Variants in PTPRD observed in about 807,000 individuals in gnomAD.
PTPRD encodes the protein protein tyrosine phosphatase receptor type D.
In PTPRD, 34 loss-of-function variants were observed where a neutral mutation model predicts 214.5. That is an observed-to-expected ratio of 0.16 (90% CI 0.12 to 0.21). PTPRD has a LOEUF of 0.21. Among genes scored for constraint, PTPRD ranks in the 10% least tolerant of loss-of-function variants. PTPRD has a pLI of 1.00. For missense variants in PTPRD, 2,545 were observed against 2,398.7 expected, an observed-to-expected ratio of 1.06 and a Z score of -1.27; for synonymous variants, 1,128 against 845.7, an observed-to-expected ratio of 1.33 and a Z score of -5.79.
chr9:9,163,936 G>A (rs1428268642), intron 10 of PTPRD, among the ~76,000 whole-genome samples: 1 of 152,060 alleles, frequency 6.6e-6, no homozygotes. Flanking sequence ...CAAGTCTTAT[G>A]TTACATATCA....
chr9:10,482,196 C>G (rs369331528), intron 2 of PTPRD, among the ~76,000 whole-genome samples: 1 of 151,778 alleles, frequency 6.6e-6, no homozygotes, highest in Admixed American at 6.6e-5. Context: ...ACAGTGAAAC[C>G]CCATCTCTAC....
intron 2 of PTPRD, among the ~76,000 whole-genome samples, chr9:10,574,627 T>G (rs536332884): frequency 3.3e-5 from 5 of 152,022 alleles, no homozygotes; most frequent in African/African-American, 9.7e-5. Flanking sequence ...AGATTTTGAA[T>G]AGCTTACACA....
intron 14 of PTPRD, among the ~76,000 whole-genome samples, chr9:8,625,706 T>C (rs1238799570): frequency 2.0e-5 from 3 of 151,678 alleles, no homozygotes; most frequent in African/African-American, 4.8e-5. Context: ...ATAACATTTA[T>C]GTAATGCATG....
chr9:9,652,186 C>T (rs972040780), intron 7 of PTPRD, among the ~76,000 whole-genome samples: 1 of 152,054 alleles, frequency 6.6e-6, no homozygotes, highest in African/African-American at 2.4e-5. Context: ...GCCTCAAAGC[C>T]TTTCTGCTCT....
intron 9 of PTPRD, among the ~76,000 whole-genome samples, chr9:9,336,999 A>T (rs938917322): frequency 2.0e-5 from 3 of 152,164 alleles, no homozygotes; most frequent in Non-Finnish European, 4.4e-5. Context: ...AGACCTATAT[A>T]GGGACAATTT....
intron 36 of PTPRD, among the ~76,000 whole-genome samples, chr9:8,398,603 T>G (rs924310158): frequency 1.3e-5 from 2 of 152,160 alleles, no homozygotes. Flanking sequence ...AGGAAATGCT[T>G]AAGTCATCAG....
intron 5 of PTPRD, among the ~76,000 whole-genome samples, chr9:9,859,431 G>A (rs1252209570): frequency 1.3e-5 from 2 of 152,104 alleles, no homozygotes; most frequent in Non-Finnish European, 1.5e-5. Context: ...ATTTGTCTTA[G>A]CTTTGTTTGT....
intron 9 of PTPRD, among the ~76,000 whole-genome samples, chr9:9,358,151 C>T (rs1386142028): frequency 6.6e-6 from 1 of 151,140 alleles, no homozygotes; most frequent in African/African-American, 2.4e-5. Flanking sequence ...AGCATATTCT[C>T]CTATTCTTTG....
intron 35 of PTPRD, 40 bp from the exon 36 acceptor site, chr9:8,404,700 T>C (rs1162234424): frequency 1.3e-6 from 2 of 1,572,052 alleles, no homozygotes; most frequent in Non-Finnish European, 1.7e-6. Context: ...AAATCAATAC[T>C]GAAAACCACC....
At chr9:9,981,587 C>T (rs1355320366) in intron 4 of PTPRD, among the ~76,000 whole-genome samples, 1 of 151,864 alleles carries the variant, frequency 6.6e-6, no homozygotes, top group Non-Finnish European at 1.5e-5. Flanking sequence ...GTCTCGATCT[C>T]CTGACCTTGT....
Position 9,697,380 on chromosome 9 carries a change from T to C in PTPRD, c.-287+37153A>G, listed in dbSNP as rs147426299. ...GTAAGATGGGTCTGATGGTTATAAG[T>C]TCCCCATCTTTTGTTTCTCTGGGAA... On this transcript the variant is annotated intron_variant, in intron 7 of 45. Coordinates refer to ENST00000381196, the MANE Select transcript of PTPRD (RefSeq NM_002839.4). Among the ~76,000 whole-genome samples the C allele has an allele frequency of 3.8e-3, 578 of 152,272 alleles. 1 individual carries two copies. Among genetic ancestry groups the C allele is most frequent in the African/African-American group, 0.013 (536 of 41,582 alleles).
chr9:9,124,986 T>C (rs545784139), intron 10 of PTPRD, among the ~76,000 whole-genome samples: 2 of 152,338 alleles, frequency 1.3e-5, no homozygotes, highest in African/African-American at 4.8e-5. Flanking sequence ...TTCCTCTCCC[T>C]ACCTTCCTTT....
At chr9:8,697,506 C>T (rs1480920707) in intron 12 of PTPRD, among the ~76,000 whole-genome samples, 6 of 145,804 alleles carry the variant, frequency 4.1e-5, no homozygotes, top group Non-Finnish European at 9.0e-5. Flanking sequence ...CACTGCAATC[C>T]CCACCTCCCA....
At chr9:8,416,800 T>C (rs1341680926) in intron 35 of PTPRD, among the ~76,000 whole-genome samples, 2 of 152,100 alleles carry the variant, frequency 1.3e-5, no homozygotes, top group African/African-American at 2.4e-5. Context: ...CAGAATCTCA[T>C]GTAATTCTTA....
chr9:9,718,609 C>G (rs2097876924), intron 7 of PTPRD, among the ~76,000 whole-genome samples: 1 of 152,220 alleles, frequency 6.6e-6, no homozygotes, highest in African/African-American at 2.4e-5. Flanking sequence ...TGCCTCTGCA[C>G]CCACTCCCTG....
chr9:9,491,050 G>C (rs1176605717), intron 8 of PTPRD, among the ~76,000 whole-genome samples: 2 of 151,860 alleles, frequency 1.3e-5, no homozygotes, highest in African/African-American at 4.8e-5. Context: ...CTGTATATAA[G>C]AGACTCTCTT....
At position 10,232,365 on chromosome 9, in the gene PTPRD, C is replaced by G. The variant is rs554987308; in HGVS notation, c.-545+108598G>C. 3.0e-4 allele frequency among the ~76,000 whole-genome samples: 45 copies of G among 152,012 alleles called. No homozygotes were observed. In the South Asian group the frequency reaches 8.5e-3, roughly 29 times the overall value. On this transcript the variant is annotated intron_variant, in intron 3 of 45. Coordinates refer to ENST00000381196, the MANE Select transcript of PTPRD (RefSeq NM_002839.4). The stretch of plus-strand genomic sequence containing the variant: ...AAACATTAGTAAAAAAAGAATATGA[C>G]AGTAGGGTTTGGATGAAGTCAAATA...
chr9:10,462,456 A>C (rs2098965815), intron 2 of PTPRD, among the ~76,000 whole-genome samples: 2 of 152,198 alleles, frequency 1.3e-5, no homozygotes, highest in African/African-American at 4.8e-5. Flanking sequence ...CACATCTTGT[A>C]AGTGGTAGAA....
intron 4 of PTPRD, among the ~76,000 whole-genome samples, chr9:9,945,332 A>C (rs532818638): frequency 1.5e-4 from 23 of 152,308 alleles, no homozygotes; most frequent in African/African-American, 5.3e-4. Flanking sequence ...ATAAACATAG[A>C]GATCACATGA....
Sources: gnomAD v4.1 joint callset for allele counts (sites outside exome capture counted in the v4.1 genomes callset) on GRCh38, gnomAD v4.1.1 for gene constraint, MANE v1.5 for transcripts, NCBI Gene and HGNC (gene_info 2026-07-23, HGNC 2026-07-21) for gene names.